EDRF1: variants seen among roughly 807,000 people sequenced by gnomAD.
EDRF1 encodes erythroid differentiation-related factor 1.
A neutral mutation model predicts 148.7 loss-of-function variants in EDRF1; 69 were observed. That is an observed-to-expected ratio of 0.46 (90% CI 0.38 to 0.57). The LOEUF is 0.57. Among genes scored for constraint, EDRF1 ranks in the 20% least tolerant of loss-of-function variants. EDRF1 has a pLI of 0.00. For missense variants in EDRF1, 1,118 were observed against 1,478.7 expected, an observed-to-expected ratio of 0.76 and a Z score of 4.00; for synonymous variants, 515 against 532.8, an observed-to-expected ratio of 0.97 and a Z score of 0.46.
chr10:125,762,637 C>T (rs1180396232), intron 24 of EDRF1, among the ~76,000 whole-genome samples: 1 of 152,140 alleles, frequency 6.6e-6, no homozygotes, highest in Non-Finnish European at 1.5e-5. Flanking sequence ...AGGTAGAGTA[C>T]TGTCTAGTAC....
At chr10:125,738,149 CT>C (rs1848830583) in intron 14 of EDRF1, 145 bp from the exon 15 acceptor site, 12 of 1,380,018 alleles carry the variant, frequency 8.7e-6, no homozygotes, top group Non-Finnish European at 9.2e-6. Context: ...TTTCCCAAAT[CT>C]TTCAGATCAA....
At chr10:125,724,085 T>G in intron 4 of EDRF1, 149 bp downstream of exon 4, 1 of 888,898 alleles carries the variant, frequency 1.1e-6, no homozygotes, top group Non-Finnish European at 1.7e-6. Flanking sequence ...ATAGAAAAGC[T>G]TGAATGAAGA....
At chr10:125,727,855 G>A (rs868759022) in intron 6 of EDRF1, among the ~76,000 whole-genome samples, 5 of 152,262 alleles carry the variant, frequency 3.3e-5, no homozygotes, top group Middle Eastern at 3.4e-3. Context: ...GGAAAATTGA[G>A]TGGTAGGCTG....
chr10:125,724,007 A>G, intron 4 of EDRF1, 71 bp downstream of exon 4: 1 of 1,571,334 alleles, frequency 6.4e-7, no homozygotes, highest in Non-Finnish European at 8.7e-7. Flanking sequence ...ATTTTGTTTC[A>G]GAGAATGGCC....
At chr10:125,741,464 T>C (rs539553912) in intron 17 of EDRF1, 93 of 447,194 alleles carry the variant, frequency 2.1e-4, no homozygotes, top group African/African-American at 1.6e-3. Context: ...ATTACAGGCA[T>C]GCGCCACCAT....
rs545698998 is a variant in EDRF1, at chr10:125,754,122, A to G, written c.3545+277A>G. Among the ~76,000 whole-genome samples the G allele has an allele frequency of 1.5e-4, 23 of 151,950 alleles. 1 individual carries two copies. Among genetic ancestry groups the G allele is most frequent in the Admixed American group, 8.5e-4 (13 of 15,248 alleles). ...TCCTAGCTACAGGGGAGGCTGAGGC[A>G]CGAGACTTGCTTGAACCCAGGAGGT... On this transcript the variant is annotated intron_variant, in intron 24 of 24. Transcript: ENST00000356792.
intron 9 of EDRF1, among the ~76,000 whole-genome samples, chr10:125,732,575 TAG>T (rs1400571501): frequency 6.6e-6 from 1 of 151,922 alleles, no homozygotes; most frequent in African/African-American, 2.4e-5. Context: ...GAAGGGCATT[TAG>T]AGAGAGAGAA....
intron 9 of EDRF1, among the ~76,000 whole-genome samples, chr10:125,732,822 A>C (rs1054951331): frequency 6.6e-6 from 1 of 152,138 alleles, no homozygotes; most frequent in African/African-American, 2.4e-5. Context: ...ATGCAAAGGC[A>C]CTTTTAAAAT....
At chr10:125,735,195 G>T (rs200789501) in intron 12 of EDRF1, among the ~76,000 whole-genome samples, 228 of 78,972 alleles carry the variant, frequency 2.9e-3, no homozygotes, top group African/African-American at 7.3e-3. Flanking sequence ...TAATGTAATG[G>T]TTTTTTTTTT....
rs552814336 is a variant in EDRF1 at position 125,723,530 on chromosome 10, A to G, written c.385-281A>G. Among the ~76,000 whole-genome samples, 5 of 152,310 alleles carry G rather than the reference A, an allele frequency of 3.3e-5. No homozygotes were observed. The East Asian group carries it at 5.8e-4, about 18-fold the overall frequency. Reference sequence around the variant, plus strand: ...TATGCTAAAAGCCTGGGTCAGCATAACAGTGTGACGTATACACCCTTAACT... The same window carrying G: ...TATGCTAAAAGCCTGGGTCAGCATAGCAGTGTGACGTATACACCCTTAACT... On this transcript the variant is annotated intron_variant, in intron 3 of 24. Transcript: ENST00000356792.
chr10:125,727,762 G>A (rs979044963), intron 6 of EDRF1, among the ~76,000 whole-genome samples: 1 of 152,158 alleles, frequency 6.6e-6, no homozygotes, highest in African/African-American at 2.4e-5. Context: ...ACACACGCAT[G>A]CCTGTCTTGG....
intron 22 of EDRF1, among the ~76,000 whole-genome samples, chr10:125,751,396 T>C (rs544514162): frequency 7.1e-6 from 1 of 141,108 alleles, no homozygotes; most frequent in East Asian, 2.3e-4. Flanking sequence ...TATCTTATTT[T>C]ACCCAGTGTT....
chr10:125,733,733 C>G lies in EDRF1; in HGVS notation c.1375C>G (p.Leu459Val). The G allele has an allele frequency of 6.2e-7, 1 of 1,612,146 alleles. No homozygotes were observed. The highest frequency in any genetic ancestry group is 2.2e-5 in the East Asian group (1 of 44,826). The part of the protein sequence containing the change: ...QNPFTMPVAI[L>V]LYKVACNMMM... ...TCCATTCACAATGCCGGTAGCCATT[C>G]TCTTGTACAAGTGAGTGCTTTAAGA... Residue 459 changes from leucine (L) to valine (V), a missense_variant, in exon 11 of 25, where the codon CTC (leucine) becomes GTC (valine). Physicochemically the swap from Leu to Val is conservative, Grantham distance 32. Around this residue, in one of 3 missense-constraint regions of EDRF1, gnomAD observed 954 missense variants for 1,241.4 expected, o/e 0.77. Transcript: ENST00000356792.
intron 14 of EDRF1, 30 bp downstream of exon 14, chr10:125,738,019 C>G: frequency 6.2e-7 from 1 of 1,602,070 alleles, no homozygotes; most frequent in Non-Finnish European, 8.6e-7. Context: ...TCACTTTTTT[C>G]GTAAAGTTTG....
Position 125,719,844 on chromosome 10 carries a change from CCGGCCGGGGCCGCCGCT to C in EDRF1, c.40_56del (p.Ala14ArgfsTer27). On this transcript the variant is annotated frameshift_variant, in exon 1 of 25. Transcript: ENST00000356792. LOFTEE classifies it high-confidence loss of function. The stretch of plus-strand genomic sequence containing the variant: ...CAAGGAGGCCGGAGCCGAGGGTCCG[CCGGCCGGGGCCGCCGCT>C]CGAGGAGGGCTCAGCCTCCTGTCCC... 1 of 1,612,176 alleles carries C rather than the reference CCGGCCGGGGCCGCCGCT, an allele frequency of 6.2e-7. No homozygotes were observed. Among genetic ancestry groups the C allele is most frequent in the Non-Finnish European group, 8.5e-7 (1 of 1,179,582 alleles).
chr10:125,748,270 G>A (rs777398773), intron 21 of EDRF1: 30 of 530,760 alleles, frequency 5.7e-5, no homozygotes, highest in Non-Finnish European at 7.8e-5. Flanking sequence ...ACTTAACATC[G>A]TGTTTTTGAG....
At chr10:125,734,229 A>C (rs1380109061) in intron 12 of EDRF1, 46 bp downstream of exon 12, 2 of 1,410,502 alleles carry the variant, frequency 1.4e-6, no homozygotes, top group Non-Finnish European at 2.0e-6. Context: ...CTAGCATTCT[A>C]ATAGGAGATT....
chr10:125,742,678 G>A (rs1219801338), intron 17 of EDRF1: 1 of 984,874 alleles, frequency 1.0e-6, no homozygotes, highest in African/African-American at 1.7e-5. Flanking sequence ...CCTCTTCAGT[G>A]ACTTAAAGTT....
chr10:125,724,077 A>T, intron 4 of EDRF1, 141 bp downstream of exon 4: 4 of 978,526 alleles, frequency 4.1e-6, no homozygotes, highest in Non-Finnish European at 6.1e-6. Context: ...CACTGAAGAT[A>T]GAAAAGCTTG....
Sources: gnomAD v4.1 joint callset for allele counts (sites outside exome capture counted in the v4.1 genomes callset) on GRCh38, gnomAD v4.1.1 for gene constraint, gnomAD v4.1.1 regional missense constraint, MANE v1.5 for transcripts, NCBI Gene and HGNC (gene_info 2026-07-23, HGNC 2026-07-21) for gene names.